The following RGPD4 variants were observed in gnomAD, a reference collection of about 807,000 sequenced individuals.
RGPD4 encodes ranBP2-like and GRIP domain-containing protein 4.
Under a neutral mutation model 141.1 loss-of-function variants are expected in RGPD4, and 84 were observed. The ratio of observed to expected loss-of-function variants is 0.60; its 90% CI spans 0.50 to 0.71. RGPD4 has a LOEUF of 0.71. Among genes scored for constraint, RGPD4 ranks in the 30% least tolerant of loss-of-function variants. RGPD4 has a pLI of 0.00. For synonymous variants in RGPD4, 298 were observed against 566.8 expected (o/e 0.53, Z 6.74); for missense variants, 918 against 1,622.4 (o/e 0.57, Z 7.46).
chr2:107,827,387 C>G (rs1351150464), intron 1 of RGPD4, among the ~76,000 whole-genome samples: 1 of 82,116 alleles, frequency 1.2e-5, no homozygotes, highest in East Asian at 3.2e-4. Context: ...TGCTCCCTGG[C>G]GCGCTCTGTT....
intron 17 of RGPD4, among the ~76,000 whole-genome samples, chr2:107,865,380 A>G (rs1349939845): frequency 1.3e-5 from 2 of 150,946 alleles, no homozygotes; most frequent in Admixed American, 1.3e-4. Flanking sequence ...TTTTGTTTGA[A>G]CACAGGGTTA....
chr2:107,845,216 T>A (rs1681882109), intron 6 of RGPD4, among the ~76,000 whole-genome samples: 1 of 19,024 alleles, frequency 5.3e-5, no homozygotes, highest in Admixed American at 4.1e-4. Context: ...AATTTTTTTT[T>A]TTTTTTTTTT....
intron 22 of RGPD4, among the ~76,000 whole-genome samples, chr2:107,883,978 T>C (rs1675439759): frequency 2.0e-5 from 3 of 152,106 alleles, no homozygotes; most frequent in African/African-American, 7.2e-5. Flanking sequence ...ATTCAATGTT[T>C]ATTGAATTTC....
rs564209032 is a variant in RGPD4 at position 107,889,184 on chromosome 2, G to C, written c.5267-1537G>C. Among the ~76,000 whole-genome samples, 36 of 143,586 alleles carry C rather than the reference G, an allele frequency of 2.5e-4. 1 individual carries two copies. Among genetic ancestry groups the C allele is most frequent in the African/African-American group, 8.8e-4 (32 of 36,226 alleles). The allele number at this position is 143,586 out of a possible 152,430, so 94.2% of individuals were successfully genotyped here. A position where few individuals can be genotyped will look rare whatever the true frequency, so the allele number is the denominator to read the frequency against. On this transcript the variant is annotated intron_variant, in intron 22 of 22. Coordinates refer to ENST00000408999, the MANE Select transcript of RGPD4 (RefSeq NM_182588.3). Reference sequence around the variant, plus strand: ...AATGCCAAATTAAATCTTTATCCAAGAGGAATGAAAACCAGTATTCACACA... The same window carrying C: ...AATGCCAAATTAAATCTTTATCCAACAGGAATGAAAACCAGTATTCACACA...
chr2:107,831,172 G>A (rs1681471224), intron 1 of RGPD4, among the ~76,000 whole-genome samples: 5 of 118,324 alleles, frequency 4.2e-5, no homozygotes, highest in African/African-American at 1.5e-4. Context: ...GCGAGACTCT[G>A]TCTCCAAAAA....
chr2:107,865,477 T>C (rs1269819836), intron 17 of RGPD4, among the ~76,000 whole-genome samples: 1 of 128,730 alleles, frequency 7.8e-6, no homozygotes, highest in East Asian at 2.0e-4. Context: ...GGATGGTCAC[T>C]GTAATGTTAG....
rs1135737 is a variant in RGPD4, at chr2:107,887,157, C to G, written c.5267-3564C>G. Among the ~76,000 whole-genome samples, 333 of 151,842 alleles carry G rather than the reference C, an allele frequency of 2.2e-3. 2 individuals are homozygous for G. The highest frequency in any genetic ancestry group is 7.6e-3 in the African/African-American group (313 of 41,326). Reference sequence around the variant, plus strand: ...CTCGGGAGGCTAAGGCAGCAGGATTCTTTGTTATAAGGAGTTCGAGGCTGC... The same window carrying G: ...CTCGGGAGGCTAAGGCAGCAGGATTGTTTGTTATAAGGAGTTCGAGGCTGC... On this transcript the variant is annotated intron_variant, in intron 22 of 22. Coordinates refer to ENST00000408999, the MANE Select transcript of RGPD4 (RefSeq NM_182588.3).
chr2:107,881,972 G>A (rs1259951695), intron 21 of RGPD4, among the ~76,000 whole-genome samples: 2 of 151,890 alleles, frequency 1.3e-5, no homozygotes, highest in African/African-American at 4.9e-5. Flanking sequence ...GGTTAGTGGA[G>A]GCTACCAATG....
intron 22 of RGPD4, among the ~76,000 whole-genome samples, chr2:107,884,571 G>A (rs903622092): frequency 1.4e-5 from 2 of 146,926 alleles, no homozygotes; most frequent in African/African-American, 2.6e-5. Flanking sequence ...GAAGATCCAG[G>A]TGCAATTAGG....
chr2:107,885,909 T>C (rs1185650012), intron 22 of RGPD4, among the ~76,000 whole-genome samples: 3 of 151,586 alleles, frequency 2.0e-5, no homozygotes, highest in East Asian at 2.0e-4. Flanking sequence ...AAAAATTAGC[T>C]GGGCGTGGTG....
In RGPD4 at chr2:107,881,712, C is replaced by T. The variant is rs530497650; in HGVS notation, c.5065-960C>T. ...TGGTCCTAGGTTTGAGGACAAAGTT[C>T]GCTAACTTTCTTGCCTAACCTAAAA... On this transcript the variant is annotated intron_variant, in intron 21 of 22. Transcript: ENST00000408999. 2.1e-4 allele frequency among the ~76,000 whole-genome samples: 32 copies of T among 150,782 alleles called. 1 individual carries two copies. The highest frequency in any genetic ancestry group is 7.7e-4 in the East Asian group (4 of 5,166).
At chr2:107,829,678 G>C (rs1044261295) in intron 1 of RGPD4, among the ~76,000 whole-genome samples, 4 of 152,160 alleles carry the variant, frequency 2.6e-5, no homozygotes, top group African/African-American at 9.7e-5. Flanking sequence ...CGCAGGAAGA[G>C]TCCTGGGGGG....
At chr2:107,874,622 T>C (rs1683036987) in intron 20 of RGPD4, among the ~76,000 whole-genome samples, 1 of 151,150 alleles carries the variant, frequency 6.6e-6, no homozygotes. Flanking sequence ...TATACTTGCG[T>C]ACAGTTTCTG....
intron 21 of RGPD4, among the ~76,000 whole-genome samples, chr2:107,881,020 G>C (rs1675348302): frequency 6.6e-6 from 1 of 151,712 alleles, no homozygotes; most frequent in East Asian, 1.9e-4. Flanking sequence ...ATTGAAGCTG[G>C]TAAATGGTGG....
At chr2:107,881,422 A>T (rs1334916503) in intron 21 of RGPD4, among the ~76,000 whole-genome samples, 2 of 151,684 alleles carry the variant, frequency 1.3e-5, no homozygotes, top group Non-Finnish European at 2.9e-5. Flanking sequence ...GGTTCAAGCG[A>T]TTCCCCTGCC....
At chr2:107,887,208 G>A (rs1440473260) in intron 22 of RGPD4, among the ~76,000 whole-genome samples, 1 of 151,960 alleles carries the variant, frequency 6.6e-6, no homozygotes, top group East Asian at 1.9e-4. Context: ...CGAAATCCTG[G>A]TCACGCCACT....
At chr2:107,888,431 C>T (rs1220385714) in intron 22 of RGPD4, among the ~76,000 whole-genome samples, 1 of 151,424 alleles carries the variant, frequency 6.6e-6, no homozygotes, top group African/African-American at 2.4e-5. Context: ...TTCCTGGGAA[C>T]AAGGTTACCT....
chr2:107,885,243 G>T (rs976109219), intron 22 of RGPD4, among the ~76,000 whole-genome samples: 2 of 151,860 alleles, frequency 1.3e-5, no homozygotes, highest in African/African-American at 4.8e-5. Flanking sequence ...GAGTAAAACT[G>T]CCCCTATAAA....
intron 22 of RGPD4, among the ~76,000 whole-genome samples, chr2:107,889,064 T>A (rs1403131930): frequency 6.7e-6 from 1 of 149,934 alleles, no homozygotes; most frequent in Non-Finnish European, 1.5e-5. Flanking sequence ...CTCTAGAAAG[T>A]TTCCCCATGT....
Sources: allele counts gnomAD v4.1 joint callset (sites outside exome capture counted in the v4.1 genomes callset), GRCh38; gene constraint gnomAD v4.1.1; transcripts MANE v1.5; gene names NCBI Gene and HGNC (gene_info 2026-07-23, HGNC 2026-07-21).